GALNTL6: variants seen among roughly 807,000 people sequenced by gnomAD.
The protein encoded by GALNTL6 is polypeptide N-acetylgalactosaminyltransferase like 6.
A neutral mutation model predicts 73.7 loss-of-function variants in GALNTL6; 46 were observed. The observed-to-expected ratio is 0.62, with a 90% confidence interval of 0.49 to 0.80. The LOEUF (loss-of-function observed/expected upper bound fraction) is 0.80. GALNTL6 is among the 30% of genes least tolerant of loss of function. GALNTL6 has a pLI of 0.00. For synonymous variants in GALNTL6, 259 were observed against 263.7 expected, an observed-to-expected ratio of 0.98 and a Z score of 0.17; for missense variants, 604 against 755.0, an observed-to-expected ratio of 0.80 and a Z score of 2.34.
Position 172,484,046 on chromosome 4 carries a change from A to G in GALNTL6, c.553+135357A>G, listed in dbSNP as rs111539015. The stretch of plus-strand genomic sequence containing the variant: ...AATCTTTGGGTTTGTGGGGGTCTCT[A>G]AGGAAGAAAGAGGCAGATGAAAATT... On this transcript the variant is annotated intron_variant, in intron 5 of 12. Transcript: ENST00000506823. 7.4e-3 allele frequency among the ~76,000 whole-genome samples: 1,124 copies of G among 152,266 alleles called. 17 individuals are homozygous for G. Among genetic ancestry groups the G allele is most frequent in the African/African-American group, 0.025 (1,056 of 41,558 alleles).
intron 2 of GALNTL6, among the ~76,000 whole-genome samples, chr4:171,832,579 C>T (rs1735007437): frequency 6.7e-6 from 1 of 149,288 alleles, no homozygotes; most frequent in South Asian, 2.1e-4. Flanking sequence ...GAATACATTG[C>T]AAAAAAAAGT....
chr4:172,720,311 G>C (rs974811974), intron 5 of GALNTL6, among the ~76,000 whole-genome samples: 1 of 152,102 alleles, frequency 6.6e-6, no homozygotes, highest in Non-Finnish European at 1.5e-5. Context: ...GGGGAAACAG[G>C]GATCCTCCGC....
intron 2 of GALNTL6, among the ~76,000 whole-genome samples, chr4:172,021,873 T>G (rs1285626646): frequency 6.6e-6 from 1 of 152,068 alleles, no homozygotes; most frequent in Non-Finnish European, 1.5e-5. Flanking sequence ...CTAGAAAAAC[T>G]GGGTATCAAT....
At chr4:172,749,709 C>T (rs1478949581) in intron 5 of GALNTL6, among the ~76,000 whole-genome samples, 1 of 151,170 alleles carries the variant, frequency 6.6e-6, no homozygotes, top group Non-Finnish European at 1.5e-5. Context: ...TATCTAATTC[C>T]CAATTTCATA....
At chr4:172,767,049 C>T (rs546545631) in intron 5 of GALNTL6, among the ~76,000 whole-genome samples, 42 of 152,270 alleles carry the variant, frequency 2.8e-4, no homozygotes, top group African/African-American at 9.9e-4. Flanking sequence ...CAGCACTATG[C>T]AATTTGCATC....
chr4:172,722,996 T>C (rs1243158557), intron 5 of GALNTL6, among the ~76,000 whole-genome samples: 1 of 152,116 alleles, frequency 6.6e-6, no homozygotes, highest in Non-Finnish European at 1.5e-5. Flanking sequence ...CTATGTCACT[T>C]GTGGAGGCTT....
chr4:172,625,611 A>G (rs1312366103), intron 5 of GALNTL6, among the ~76,000 whole-genome samples: 5 of 152,108 alleles, frequency 3.3e-5, no homozygotes, highest in Non-Finnish European at 7.4e-5. Flanking sequence ...ACTGCTTTCC[A>G]CAGTGGCTAA....
At chr4:172,666,224 A>AT (rs1367172005) in intron 5 of GALNTL6, among the ~76,000 whole-genome samples, 1 of 152,084 alleles carries the variant, frequency 6.6e-6, no homozygotes, top group African/African-American at 2.4e-5. Flanking sequence ...TCAAAAAAAA[A>AT]TTTTTCAGAA....
chr4:172,929,343 A>G (rs924819687), intron 8 of GALNTL6, among the ~76,000 whole-genome samples: 6 of 152,220 alleles, frequency 3.9e-5, no homozygotes, highest in Admixed American at 3.3e-4. Flanking sequence ...AAGCAAATAT[A>G]AAGGAAAACA....
intron 5 of GALNTL6, among the ~76,000 whole-genome samples, chr4:172,451,115 C>T (rs74535653): frequency 0.023 from 3,524 of 152,126 alleles, 132 homozygotes; most frequent in African/African-American, 0.08. Context: ...TCTCTATTGA[C>T]GATATTAAAT....
intron 5 of GALNTL6, among the ~76,000 whole-genome samples, chr4:172,772,696 G>C (rs1738843831): frequency 6.7e-6 from 1 of 149,520 alleles, no homozygotes; most frequent in South Asian, 2.2e-4. Context: ...TTTAGAAAGA[G>C]CTTACACTTT....
intron 2 of GALNTL6, among the ~76,000 whole-genome samples, chr4:171,983,808 C>G (rs1184550246): frequency 1.7e-4 from 26 of 152,072 alleles, no homozygotes; most frequent in Admixed American, 1.7e-3. Context: ...TGCTTCAACC[C>G]CTCCTAACAA....
chr4:171,876,036 T>C (rs900782255), intron 2 of GALNTL6, among the ~76,000 whole-genome samples: 4 of 152,120 alleles, frequency 2.6e-5, no homozygotes, highest in Non-Finnish European at 5.9e-5. Context: ...TACCCTACTT[T>C]TAATAGATAA....
intron 2 of GALNTL6, among the ~76,000 whole-genome samples, chr4:171,971,785 C>T (rs763689623): frequency 5.3e-5 from 8 of 152,052 alleles, no homozygotes; most frequent in Non-Finnish European, 8.8e-5. Flanking sequence ...GGATAACAAA[C>T]TATGGCAAAA....
At chr4:172,589,960 A>T (rs1737570087) in intron 5 of GALNTL6, among the ~76,000 whole-genome samples, 1 of 152,220 alleles carries the variant, frequency 6.6e-6, no homozygotes, top group Non-Finnish European at 1.5e-5. Flanking sequence ...TACAGTTAAT[A>T]GAGCAATCAA....
At chr4:172,453,253 AC>A (rs1257660283) in intron 5 of GALNTL6, among the ~76,000 whole-genome samples, 1 of 152,140 alleles carries the variant, frequency 6.6e-6, no homozygotes, top group Non-Finnish European at 1.5e-5. Flanking sequence ...CTATCAAATC[AC>A]TACATCCTAT....
chr4:172,021,752 A>G (rs1321144574), intron 2 of GALNTL6, among the ~76,000 whole-genome samples: 3 of 152,046 alleles, frequency 2.0e-5, no homozygotes, highest in African/African-American at 7.2e-5. Context: ...ATTATGTTCC[A>G]ATGAAACATA....
At chr4:172,215,492 C>T (rs1184995408) in intron 2 of GALNTL6, among the ~76,000 whole-genome samples, 2 of 152,112 alleles carry the variant, frequency 1.3e-5, no homozygotes, top group Non-Finnish European at 2.9e-5. Context: ...ATCTTCCTCT[C>T]TTCTTGTGAA....
At chr4:172,645,735 G>A (rs1740213860) in intron 5 of GALNTL6, among the ~76,000 whole-genome samples, 1 of 151,940 alleles carries the variant, frequency 6.6e-6, no homozygotes, top group South Asian at 2.1e-4. Context: ...ATAGGTAAAT[G>A]TATATTTTTT....
Sources: gnomAD v4.1 joint callset for allele counts (sites outside exome capture counted in the v4.1 genomes callset) on GRCh38, gnomAD v4.1.1 for gene constraint, MANE v1.5 for transcripts, NCBI Gene and HGNC (gene_info 2026-07-23, HGNC 2026-07-21) for gene names.